SLC24A2: variants seen among roughly 807,000 people sequenced by gnomAD.
The protein encoded by SLC24A2 is solute carrier family 24 member 2, also known as sodium/potassium/calcium exchanger 2.
A neutral mutation model predicts 62.0 loss-of-function variants in SLC24A2; 36 were observed. The observed-to-expected ratio is 0.58, with a 90% CI of 0.44 to 0.77. The LOEUF is 0.77. SLC24A2 is among the 30% of genes least tolerant of loss of function. The probability of loss-of-function intolerance (pLI) is 0.00; values close to 1 mark genes in which losing one functional copy is unlikely to be tolerated. For missense variants in SLC24A2, 846 were observed against 817.9 expected (o/e 1.03, Z -0.42); for synonymous variants, 358 against 294.0 (o/e 1.22, Z -2.23).
At chr9:20,002,699 C>A in the SLC24A2 span, among the ~76,000 whole-genome samples, 2 of 152,182 alleles carry the variant, frequency 1.3e-5, no homozygotes, top group East Asian at 3.9e-4. Flanking sequence ...CAGTGACTGT[C>A]ACCAAGGAGG....
chr9:19,546,790 C>G (rs899165199), intron 8 of SLC24A2, among the ~76,000 whole-genome samples: 1 of 151,498 alleles, frequency 6.6e-6, no homozygotes, highest in African/African-American at 2.4e-5. Flanking sequence ...GCCCAAATGG[C>G]TACTCAGTTT....
At chr9:19,582,823 C>T (rs1836247095) in intron 5 of SLC24A2, among the ~76,000 whole-genome samples, 1 of 152,146 alleles carries the variant, frequency 6.6e-6, no homozygotes, top group Non-Finnish European at 1.5e-5. Context: ...TCACACCCCA[C>T]ATGCCATCTA....
At chr9:20,196,171 A>G in the SLC24A2 span, among the ~76,000 whole-genome samples, 4 of 152,266 alleles carry the variant, frequency 2.6e-5, no homozygotes, top group African/African-American at 9.6e-5. Context: ...CTGGAACACT[A>G]TTTGACAATA....
intron 2 of SLC24A2, among the ~76,000 whole-genome samples, chr9:19,762,644 C>T (rs543751141): frequency 3.7e-4 from 57 of 152,224 alleles, no homozygotes; most frequent in African/African-American, 1.3e-3. Flanking sequence ...TTTCTGAGGC[C>T]TCTATTCTGT....
At chr9:19,555,607 C>G (rs1348290711) in intron 7 of SLC24A2, among the ~76,000 whole-genome samples, 1 of 152,176 alleles carries the variant, frequency 6.6e-6, no homozygotes, top group African/African-American at 2.4e-5. Flanking sequence ...AAGTAACATT[C>G]TTCAGTGGTG....
intron 2 of SLC24A2, among the ~76,000 whole-genome samples, chr9:19,704,653 A>G (rs1314673400): frequency 6.6e-6 from 1 of 152,194 alleles, no homozygotes; most frequent in East Asian, 1.9e-4. Context: ...AAAACAACTC[A>G]CAACTCACAG....
At chr9:19,601,820 C>A (rs746486349) in intron 4 of SLC24A2, among the ~76,000 whole-genome samples, 21 of 152,152 alleles carry the variant, frequency 1.4e-4, no homozygotes, top group Non-Finnish European at 2.8e-4. Context: ...AGTTCTCACA[C>A]TTATGCAAAT....
chr9:19,995,797 C>A, the SLC24A2 span, among the ~76,000 whole-genome samples: 1 of 152,226 alleles, frequency 6.6e-6, no homozygotes, highest in Admixed American at 6.5e-5. Flanking sequence ...ATCTAGCCCT[C>A]AATCACTCAC....
At chr9:20,223,061 A>G in the SLC24A2 span, among the ~76,000 whole-genome samples, 489 of 152,228 alleles carry the variant, frequency 3.2e-3, 8 homozygotes, top group African/African-American at 0.011. Context: ...TTTAAGGTTT[A>G]TACAAAAATC....
the SLC24A2 span, among the ~76,000 whole-genome samples, chr9:20,199,093 C>T: frequency 6.6e-6 from 1 of 152,300 alleles, no homozygotes; most frequent in African/African-American, 2.4e-5. Context: ...TTGTTTCTAA[C>T]CAGCCTATTG....
At chr9:19,844,596 C>A in the SLC24A2 span, among the ~76,000 whole-genome samples, 2 of 152,010 alleles carry the variant, frequency 1.3e-5, no homozygotes, top group African/African-American at 4.8e-5. Context: ...TTTCCCAAGG[C>A]CAATGTCTGG....
the SLC24A2 span, among the ~76,000 whole-genome samples, chr9:19,975,971 A>T: frequency 6.6e-6 from 1 of 152,264 alleles, no homozygotes; most frequent in Non-Finnish European, 1.5e-5. Flanking sequence ...ACTGGTGTGA[A>T]CATGACCTCC....
chr9:19,901,543 C>G, the SLC24A2 span, among the ~76,000 whole-genome samples: 4 of 152,272 alleles, frequency 2.6e-5, no homozygotes, highest in South Asian at 6.2e-4. Flanking sequence ...GCTAATTATA[C>G]ATATTCAGCA....
chr9:20,236,608 T>C, the SLC24A2 span, among the ~76,000 whole-genome samples: 2 of 152,188 alleles, frequency 1.3e-5, no homozygotes, highest in Non-Finnish European at 2.9e-5. Flanking sequence ...TCTAAACCAA[T>C]CAAGTCCAAG....
At chr9:19,708,444 C>A (rs1820603570) in intron 2 of SLC24A2, among the ~76,000 whole-genome samples, 2 of 152,166 alleles carry the variant, frequency 1.3e-5, no homozygotes, top group Admixed American at 1.3e-4. Flanking sequence ...GCCTGCATCA[C>A]CAAGTCAACC....
At chr9:19,782,986 C>G (rs967503703) in intron 2 of SLC24A2, among the ~76,000 whole-genome samples, 1 of 151,954 alleles carries the variant, frequency 6.6e-6, no homozygotes, top group East Asian at 1.9e-4. Context: ...AGTAGCATCA[C>G]TAAAAGAAAT....
chr9:20,235,781 C>T, the SLC24A2 span, among the ~76,000 whole-genome samples: 6 of 152,238 alleles, frequency 3.9e-5, no homozygotes, highest in Non-Finnish European at 8.8e-5. Flanking sequence ...GAAACCAGTA[C>T]CTCAGTTTGA....
At chr9:19,673,531 C>T (rs920060891) in intron 2 of SLC24A2, among the ~76,000 whole-genome samples, 2 of 152,136 alleles carry the variant, frequency 1.3e-5, no homozygotes, top group Non-Finnish European at 2.9e-5. Context: ...TCACTGCAAC[C>T]TCTGCCTCCC....
chr9:20,077,683 T>C, the SLC24A2 span, among the ~76,000 whole-genome samples: 1 of 152,134 alleles, frequency 6.6e-6, no homozygotes, highest in Non-Finnish European at 1.5e-5. Context: ...TAATCATTCT[T>C]TGCACCTTAA....
Sources: allele counts gnomAD v4.1 joint callset (sites outside exome capture counted in the v4.1 genomes callset), GRCh38; gene constraint gnomAD v4.1.1; transcripts MANE v1.5; gene names NCBI Gene and HGNC (gene_info 2026-07-23, HGNC 2026-07-21).